Variants in PBX3 observed in about 807,000 individuals in gnomAD.
PBX3 encodes the protein pre-B-cell leukemia transcription factor 3.
In PBX3, 14 loss-of-function variants were observed where a neutral mutation model predicts 48.5. The ratio of observed to expected loss-of-function variants is 0.29; its 90% CI spans 0.19 to 0.45. The LOEUF (loss-of-function observed/expected upper bound fraction) is 0.45, where lower values mean the gene tolerates loss of function less well. Among genes scored for constraint, PBX3 ranks in the 20% least tolerant of loss-of-function variants. The pLI is 1.00. For synonymous variants in PBX3, 210 were observed against 200.3 expected (o/e 1.05, Z -0.41); for missense variants, 386 against 546.7 (o/e 0.71, Z 2.93).
chr9:125,934,194 G>A (rs184715113), intron 4 of PBX3, among the ~76,000 whole-genome samples: 59 of 152,218 alleles, frequency 3.9e-4, no homozygotes, highest in African/African-American at 1.4e-3. Flanking sequence ...GTTTTGATCA[G>A]ACCTAGATTT....
chr9:125,944,767 G>C (rs910367791), intron 5 of PBX3, among the ~76,000 whole-genome samples: 1 of 152,012 alleles, frequency 6.6e-6, no homozygotes, highest in African/African-American at 2.4e-5. Context: ...TTATGTGGGG[G>C]GTGGGGGATT....
At chr9:125,965,175 C>T (rs754155910) in intron 8 of PBX3, among the ~76,000 whole-genome samples, 29 of 152,166 alleles carry the variant, frequency 1.9e-4, no homozygotes, top group South Asian at 4.1e-4. Flanking sequence ...TTTCTGAGTA[C>T]GGTTATTGCT....
At chr9:125,856,450 C>T (rs76134528) in intron 2 of PBX3, among the ~76,000 whole-genome samples, 5,403 of 152,138 alleles carry the variant, frequency 0.036, 332 homozygotes, top group African/African-American at 0.12. Context: ...ATAATTAACA[C>T]GCATATTAAA....
chr9:125,922,176 C>A (rs1047939957), intron 3 of PBX3, among the ~76,000 whole-genome samples: 1 of 152,074 alleles, frequency 6.6e-6, no homozygotes, highest in Non-Finnish European at 1.5e-5. Flanking sequence ...CCAAAAATAT[C>A]ATTAAAAAGT....
At chr9:125,764,933 G>A (rs1406775284) in intron 2 of PBX3, among the ~76,000 whole-genome samples, 1 of 152,052 alleles carries the variant, frequency 6.6e-6, no homozygotes, top group Non-Finnish European at 1.5e-5. Flanking sequence ...TGTAGACATG[G>A]GGTTCTTGAC....
At chr9:125,791,874 T>C (rs1379102774) in intron 2 of PBX3, among the ~76,000 whole-genome samples, 2 of 151,314 alleles carry the variant, frequency 1.3e-5, no homozygotes, top group Non-Finnish European at 2.9e-5. Context: ...AGGCAGAGGT[T>C]GCAGACTCCG....
intron 2 of PBX3, among the ~76,000 whole-genome samples, chr9:125,855,578 A>G (rs926511893): frequency 1.3e-5 from 2 of 152,128 alleles, no homozygotes; most frequent in African/African-American, 2.4e-5. Flanking sequence ...TTTAGATGTC[A>G]TGTTGACAGT....
In PBX3 at chr9:125,917,346, A is replaced by G. The variant is rs182007054; in HGVS notation, c.516+1419A>G. Among the ~76,000 whole-genome samples, 54 of 152,302 alleles carry G rather than the reference A, an allele frequency of 3.5e-4. No homozygotes were observed. The East Asian group carries it at 9.4e-3, about 27-fold the overall frequency. ...TCAGCATCCCCCACCAGAGGGGTTCATTTGTTAAAATTGATTAACCTACAT... is the reference window on the plus strand; with the variant it reads ...TCAGCATCCCCCACCAGAGGGGTTCGTTTGTTAAAATTGATTAACCTACAT... On this transcript the variant is annotated intron_variant, in intron 3 of 8. Coordinates refer to ENST00000373489, the MANE Select transcript of PBX3 (RefSeq NM_006195.6).
At position 125,960,832 on chromosome 9, in the gene PBX3, C is replaced by T; in HGVS notation, c.992C>T (p.Pro331Leu). The change falls in exon 6 of 9, where the codon CCC becomes CTC. Residue 331 changes from proline to leucine, a missense_variant. By Grantham distance (98) the Pro-to-Leu change is moderately conservative. Around this residue, in one of 4 missense-constraint regions of PBX3, gnomAD observed 127 missense variants for 143.3 expected, o/e 0.89. Transcript: ENST00000373489. ...GTGCAGAACAACCAGACCAATTCGC[C>T]CACCACACCAAATTCCGGTGCGTAC... Reference protein sequence around the residue: ...AAVQNNQTNSPTTPNSGSSGS... With the variant: ...AAVQNNQTNSLTTPNSGSSGS... The T allele has an allele frequency of 6.2e-7, 1 of 1,613,986 alleles. No individual in the cohort carries two copies. The highest frequency in any genetic ancestry group is 1.1e-5 in the South Asian group (1 of 91,028).
intron 2 of PBX3, among the ~76,000 whole-genome samples, chr9:125,892,720 T>C (rs1021172097): frequency 6.6e-6 from 1 of 152,234 alleles, no homozygotes; most frequent in South Asian, 2.1e-4. Flanking sequence ...TGAAGTCCTC[T>C]TTAATATTTA....
At chr9:125,793,776 G>C (rs910034801) in intron 2 of PBX3, among the ~76,000 whole-genome samples, 3 of 152,070 alleles carry the variant, frequency 2.0e-5, no homozygotes, top group African/African-American at 7.2e-5. Flanking sequence ...TTGCAGTTGG[G>C]ATAATGAACA....
At chr9:125,939,700 A>G (rs2132541356) in intron 5 of PBX3, among the ~76,000 whole-genome samples, 1 of 152,354 alleles carries the variant, frequency 6.6e-6, no homozygotes, top group Non-Finnish European at 1.5e-5. Context: ...GAAATGGATA[A>G]ATATGCTGTG....
At chr9:125,815,951 G>A (rs1564670608) in intron 2 of PBX3, among the ~76,000 whole-genome samples, 1 of 151,734 alleles carries the variant, frequency 6.6e-6, no homozygotes, top group African/African-American at 2.4e-5. Context: ...TCAAAATCTG[G>A]TCTTCTTCAG....
At chr9:125,811,732 A>G (rs1453028308) in intron 2 of PBX3, among the ~76,000 whole-genome samples, 1 of 152,176 alleles carries the variant, frequency 6.6e-6, no homozygotes, top group African/African-American at 2.4e-5. Context: ...TCATTTGCAG[A>G]TGTCTACCTT....
intron 2 of PBX3, among the ~76,000 whole-genome samples, chr9:125,849,942 G>A (rs1839533311): frequency 6.6e-6 from 1 of 151,906 alleles, no homozygotes; most frequent in African/African-American, 2.4e-5. Context: ...AGGTATATTG[G>A]ATTATTAATA....
chr9:125,810,957 C>G (rs1208324208), intron 2 of PBX3, among the ~76,000 whole-genome samples: 1 of 152,120 alleles, frequency 6.6e-6, no homozygotes, highest in Admixed American at 6.6e-5. Flanking sequence ...GGTTATTATT[C>G]CAGGTTACAT....
intron 2 of PBX3, among the ~76,000 whole-genome samples, chr9:125,885,718 C>A (rs956652309): frequency 2.6e-5 from 4 of 151,932 alleles, no homozygotes; most frequent in Non-Finnish European, 5.9e-5. Context: ...GGATTTATAA[C>A]CATTTTGCCA....
intron 4 of PBX3, among the ~76,000 whole-genome samples, chr9:125,933,597 A>G (rs1841769203): frequency 6.6e-6 from 1 of 152,038 alleles, no homozygotes; most frequent in South Asian, 2.1e-4. Context: ...GCTTGCTTAC[A>G]TATAGTGGAA....
chr9:125,763,644 C>T (rs1488113563), intron 2 of PBX3, among the ~76,000 whole-genome samples: 2 of 151,970 alleles, frequency 1.3e-5, no homozygotes, highest in Non-Finnish European at 2.9e-5. Context: ...GAATGAGGAG[C>T]GAACGGTGCT....
Sources: allele counts gnomAD v4.1 joint callset (sites outside exome capture counted in the v4.1 genomes callset), GRCh38; gene constraint gnomAD v4.1.1; regional missense constraint gnomAD v4.1.1; transcripts MANE v1.5; gene names NCBI Gene and HGNC (gene_info 2026-07-23, HGNC 2026-07-21).